TAF5L: variants seen among roughly 807,000 people sequenced by gnomAD.
TAF5L encodes TATA-box binding protein associated factor 5 like.
In TAF5L, 7 loss-of-function variants were observed where a neutral mutation model predicts 51.3. The ratio of observed to expected loss-of-function variants is 0.14; its 90% confidence interval spans 0.08 to 0.26. The LOEUF (loss-of-function observed/expected upper bound fraction) is 0.26, where lower values mean the gene tolerates loss of function less well. Among genes scored for constraint, TAF5L ranks in the 10% least tolerant of loss-of-function variants. TAF5L has a pLI of 1.00. For missense variants in TAF5L, 575 were observed against 758.9 expected (o/e 0.76, Z 2.85); for synonymous variants, 291 against 308.1 (o/e 0.94, Z 0.58).
chr1:229,606,783 T>G, intron 3 of TAF5L: 1 of 985,442 alleles, frequency 1.0e-6, no homozygotes, highest in Non-Finnish European at 1.2e-6. Flanking sequence ...AGAGGTTGCT[T>G]GACTCCAAAG....
chr1:229,598,949 G>T (rs963160005), intron 4 of TAF5L, among the ~76,000 whole-genome samples: 3 of 151,988 alleles, frequency 2.0e-5, no homozygotes, highest in African/African-American at 7.3e-5. Context: ...CACCTGCCTC[G>T]GCCTCCCAAA....
intron 4 of TAF5L, among the ~76,000 whole-genome samples, chr1:229,597,891 C>A (rs1664185906): frequency 6.6e-6 from 1 of 152,152 alleles, no homozygotes; most frequent in Non-Finnish European, 1.5e-5. Context: ...CCGTCTGCTC[C>A]TGGACTCTGA....
intron 1 of TAF5L, among the ~76,000 whole-genome samples, chr1:229,614,889 G>A (rs1452416057): frequency 6.6e-6 from 1 of 152,098 alleles, no homozygotes; most frequent in Non-Finnish European, 1.5e-5. Flanking sequence ...GCGTTAATTA[G>A]CAGTGAACTA....
intron 1 of TAF5L, among the ~76,000 whole-genome samples, chr1:229,624,813 T>C (rs1665368214): frequency 2.6e-5 from 4 of 152,024 alleles, no homozygotes; most frequent in Admixed American, 2.6e-4. Flanking sequence ...CCTTTCCTAC[T>C]CCCCCTTCCA....
In TAF5L at chr1:229,600,553, A is replaced by C. The variant is rs1011971967; in HGVS notation, c.972+1642T>G. On this transcript the variant is annotated intron_variant, in intron 4 of 4. Coordinates refer to ENST00000258281, the Ensembl canonical transcript of TAF5L. ...AACCGAGCTCTTCTCTAGTCCATCC[A>C]TGTCTCCTTTGCCACTGCCACTACC... 3.0e-6 allele frequency: 3 copies of C among 985,330 alleles called. No homozygotes were observed. In the African/African-American group the frequency reaches 5.2e-5, roughly 17 times the overall value. The allele number at this position is 985,330 out of a possible 1,614,324, so 61.0% of individuals were successfully genotyped here. A position where few individuals can be genotyped will look rare whatever the true frequency, so the allele number is the denominator to read the frequency against.
At chr1:229,603,504 G>C (rs1664467636) in intron 3 of TAF5L, among the ~76,000 whole-genome samples, 1 of 152,184 alleles carries the variant, frequency 6.6e-6, no homozygotes, top group Non-Finnish European at 1.5e-5. Flanking sequence ...ACTTATTTTA[G>C]TGGGCTCATT....
At chr1:229,609,608 T>C (rs532261031) in intron 3 of TAF5L, among the ~76,000 whole-genome samples, 3 of 152,344 alleles carry the variant, frequency 2.0e-5, no homozygotes, top group East Asian at 3.9e-4. Context: ...TTTTGCCTGT[T>C]CATTCATAAG....
intron 1 of TAF5L, among the ~76,000 whole-genome samples, chr1:229,616,448 C>T (rs1665008687): frequency 1.3e-5 from 2 of 151,606 alleles, no homozygotes; most frequent in Admixed American, 1.3e-4. Context: ...TTAAGCAATT[C>T]TCCTTCCTTA....
chr1:229,609,622 T>C (rs1395260404), intron 3 of TAF5L, among the ~76,000 whole-genome samples: 2 of 152,254 alleles, frequency 1.3e-5, no homozygotes, highest in Non-Finnish European at 2.9e-5. Context: ...TCATAAGGAC[T>C]ATTTACTTGC....
At chr1:229,604,044 T>C (rs1202596158) in intron 3 of TAF5L, among the ~76,000 whole-genome samples, 1 of 152,228 alleles carries the variant, frequency 6.6e-6, no homozygotes, top group Non-Finnish European at 1.5e-5. Context: ...TTGTCCCTTA[T>C]CTGTAATGAG....
chr1:229,614,640 T>C (rs940489122), intron 1 of TAF5L, among the ~76,000 whole-genome samples, 155 bp from the exon 2 acceptor site: 1 of 152,202 alleles, frequency 6.6e-6, no homozygotes, highest in Non-Finnish European at 1.5e-5. Flanking sequence ...AGTTCCCTAA[T>C]ACCAACGTGG....
intron 3 of TAF5L, chr1:229,607,395 T>C (rs1442160344): frequency 2.0e-6 from 2 of 985,348 alleles, no homozygotes; most frequent in East Asian, 2.3e-4. Context: ...CTAATATTCA[T>C]TGATCTCCAG....
intron 1 of TAF5L, among the ~76,000 whole-genome samples, chr1:229,618,385 A>G (rs909653718): frequency 2.0e-5 from 3 of 152,232 alleles, no homozygotes; most frequent in African/African-American, 7.2e-5. Flanking sequence ...CACATTATTG[A>G]TATTTCTGGA....
chr1:229,602,562 G>C lies in TAF5L; in HGVS notation c.605C>G (p.Ala202Gly). The C allele has an allele frequency of 6.2e-7, 1 of 1,614,228 alleles. No individual in the cohort carries two copies. The highest frequency in any genetic ancestry group is 8.5e-7 in the Non-Finnish European group (1 of 1,180,030). ...ATACAGCTGATAGTCTGTTCTCTTG[G>C]CAGGCTGCACGTCAAGATGAATATG... The change falls in exon 4 of 5, where the codon GCC (alanine) becomes GGC (glycine). Residue 202 changes from alanine (A) to glycine (G), a missense_variant. Ala to Gly is a moderately conservative substitution (Grantham distance 60). Transcript: ENST00000258281. This position sits in a 1 kb window ranked among gnomAD's most constrained non-coding sequence, Gnocchi z 4.6.
At chr1:229,615,599 AAAAAG>A (rs1344295479) in intron 1 of TAF5L, among the ~76,000 whole-genome samples, 2 of 152,094 alleles carry the variant, frequency 1.3e-5, no homozygotes, top group South Asian at 2.1e-4. Context: ...TCACAAAAAT[AAAAAG>A]AAAAGGGAAA....
intron 1 of TAF5L, among the ~76,000 whole-genome samples, chr1:229,623,682 C>G (rs751743768): frequency 6.6e-6 from 1 of 152,226 alleles, no homozygotes; most frequent in African/African-American, 2.4e-5. Flanking sequence ...GCATACTCGA[C>G]GCTAAGACAC....
intron 4 of TAF5L, chr1:229,600,654 C>G: frequency 1.0e-6 from 1 of 985,434 alleles, no homozygotes; most frequent in South Asian, 4.7e-5. Context: ...TCTCCTAACT[C>G]CAGCCATACT....
At chr1:229,624,986 G>C (rs759567552) in intron 1 of TAF5L, among the ~76,000 whole-genome samples, 2 of 152,118 alleles carry the variant, frequency 1.3e-5, no homozygotes, top group Non-Finnish European at 2.9e-5. Context: ...TCACCATTCC[G>C]AGATTCCAAT....
chr1:229,602,993 C>A lies in TAF5L; in HGVS notation c.248-74G>T. ...ATAACGTGATCCCTCCTGGGGATCACCACCATCATATAATGCTTTCTTGCC... is the reference window on the plus strand; with the variant it reads ...ATAACGTGATCCCTCCTGGGGATCAACACCATCATATAATGCTTTCTTGCC... On this transcript the variant is annotated intron_variant, in intron 3 of 4. Transcript: ENST00000258281. This position sits in a 1 kb window ranked among gnomAD's most constrained non-coding sequence, Gnocchi z 4.6. 1 of 1,488,078 alleles carries A rather than the reference C, an allele frequency of 6.7e-7. No individual in the cohort carries two copies. Among genetic ancestry groups the A allele is most frequent in the Non-Finnish European group, 8.9e-7 (1 of 1,129,080 alleles). The allele number at this position is 1,488,078 out of a possible 1,614,324, so 92.2% of individuals were successfully genotyped here. A position where few individuals can be genotyped will look rare whatever the true frequency, so the allele number is the denominator to read the frequency against.
Sources: allele counts gnomAD v4.1 joint callset (sites outside exome capture counted in the v4.1 genomes callset), GRCh38; gene constraint gnomAD v4.1.1; non-coding constraint Gnocchi (gnomAD v3.1); transcripts MANE v1.5; gene names NCBI Gene and HGNC (gene_info 2026-07-23, HGNC 2026-07-21).